ARHGAP18: variants seen among roughly 807,000 people sequenced by gnomAD.
ARHGAP18 encodes the protein rho GTPase-activating protein 18.
Under a neutral mutation model 86.2 loss-of-function variants are expected in ARHGAP18, and 67 were observed. The ratio of observed to expected loss-of-function variants is 0.78; its 90% CI spans 0.64 to 0.95. ARHGAP18 has a LOEUF of 0.95. Among genes scored for constraint, ARHGAP18 ranks in the 40% least tolerant of loss-of-function variants. The probability of loss-of-function intolerance (pLI) is 0.00; values close to 1 mark genes in which losing one functional copy is unlikely to be tolerated. For missense variants in ARHGAP18, 691 were observed against 780.4 expected (o/e 0.89, Z 1.37); for synonymous variants, 283 against 280.4 (o/e 1.01, Z -0.09).
chr6:129,691,679 G>A (rs892600622), intron 1 of ARHGAP18, among the ~76,000 whole-genome samples: 4 of 152,104 alleles, frequency 2.6e-5, no homozygotes, highest in African/African-American at 2.4e-5. Context: ...GCATAATCTC[G>A]GAGGTGTGAA....
In ARHGAP18 at chr6:129,638,636, C is replaced by T. The variant is rs1476796006; in HGVS notation, c.317-7G>A. ...TCTTCTTCCAATTCTCCCTCTAAGACAGTAGAGAAAAGTGGTACTTAAATC... is the reference window on the plus strand; with the variant it reads ...TCTTCTTCCAATTCTCCCTCTAAGATAGTAGAGAAAAGTGGTACTTAAATC... On this transcript the variant is annotated splice_region_variant and splice_polypyrimidine_tract_variant and intron_variant, in intron 2 of 14. Coordinates refer to ENST00000368149, the MANE Select transcript of ARHGAP18 (RefSeq NM_033515.3). 1 of 1,608,216 alleles carries T rather than the reference C, an allele frequency of 6.2e-7. No homozygotes were observed. The highest frequency in any genetic ancestry group is 1.7e-5 in the Admixed American group (1 of 58,612).
intron 1 of ARHGAP18, among the ~76,000 whole-genome samples, chr6:129,686,157 C>T (rs1244135054): frequency 6.6e-6 from 1 of 152,204 alleles, no homozygotes; most frequent in East Asian, 1.9e-4. Context: ...TTCCTCGGAT[C>T]CCCTCTCTGG....
At chr6:129,606,912 G>C (rs1427684615) in intron 9 of ARHGAP18, among the ~76,000 whole-genome samples, 1 of 151,560 alleles carries the variant, frequency 6.6e-6, no homozygotes, top group African/African-American at 2.4e-5. Context: ...CCAGGCTGGA[G>C]TACAGTGGTG....
intron 9 of ARHGAP18, among the ~76,000 whole-genome samples, chr6:129,606,629 G>A (rs564928586): frequency 1.2e-3 from 181 of 151,920 alleles, no homozygotes; most frequent in Non-Finnish European, 2.4e-3. Context: ...TGTATGCAAC[G>A]TAGCACAATT....
chr6:129,597,899 T>C (rs1408600211), intron 12 of ARHGAP18, among the ~76,000 whole-genome samples: 1 of 152,200 alleles, frequency 6.6e-6, no homozygotes, highest in African/African-American at 2.4e-5. Context: ...TAATGCTTTT[T>C]TTTCCATAAA....
At chr6:129,636,777 T>G (rs1773340599) in intron 3 of ARHGAP18, among the ~76,000 whole-genome samples, 1 of 152,172 alleles carries the variant, frequency 6.6e-6, no homozygotes, top group Non-Finnish European at 1.5e-5. Flanking sequence ...ACTCCGAGGC[T>G]GAGGCAGGAG....
At position 129,584,117 on chromosome 6, in the gene ARHGAP18, A is replaced by G; in HGVS notation, c.1714-5T>C. 6.2e-7 allele frequency: 1 copy of G among 1,613,498 alleles called. No individual in the cohort carries two copies. The highest frequency in any genetic ancestry group is 8.5e-7 in the Non-Finnish European group (1 of 1,179,622). On this transcript the variant is annotated splice_region_variant and splice_polypyrimidine_tract_variant and intron_variant, in intron 12 of 14. Coordinates refer to ENST00000368149, the MANE Select transcript of ARHGAP18 (RefSeq NM_033515.3). ...CACTCCCTGAGGAACGTCAGCCTGCAAAGCAATAATGACACTGGAACAAAG... is the reference window on the plus strand; with the variant it reads ...CACTCCCTGAGGAACGTCAGCCTGCGAAGCAATAATGACACTGGAACAAAG...
At position 129,578,921 on chromosome 6, in the gene ARHGAP18, G is replaced by A. The variant is rs868470939; in HGVS notation, c.1901-317C>T. Among the ~76,000 whole-genome samples the A allele has an allele frequency of 2.6e-5, 4 of 151,858 alleles. No homozygotes were observed. In the East Asian group the frequency reaches 7.7e-4, roughly 29 times the overall value. On this transcript the variant is annotated intron_variant, in intron 14 of 14. Coordinates refer to ENST00000368149, the MANE Select transcript of ARHGAP18 (RefSeq NM_033515.3). Reference sequence around the variant, plus strand: ...GGAGGTTGCAGTGAGCTGAGATTGCGCCACTGCACTTCAGCCTGGGTGACA... The same window carrying A: ...GGAGGTTGCAGTGAGCTGAGATTGCACCACTGCACTTCAGCCTGGGTGACA...
At chr6:129,674,223 A>G (rs964809989) in intron 1 of ARHGAP18, among the ~76,000 whole-genome samples, 6 of 152,234 alleles carry the variant, frequency 3.9e-5, no homozygotes, top group African/African-American at 1.4e-4. Flanking sequence ...GATTTGTAAT[A>G]CATGTCCACA....
At chr6:129,648,114 C>G (rs1773616694) in intron 1 of ARHGAP18, among the ~76,000 whole-genome samples, 1 of 151,900 alleles carries the variant, frequency 6.6e-6, no homozygotes, top group Admixed American at 6.6e-5. Context: ...AAAATCAAAC[C>G]ATATTTTTTT....
chr6:129,580,267 A>G (rs1788261407), intron 13 of ARHGAP18, 136 bp from the exon 14 acceptor site: 2 of 687,602 alleles, frequency 2.9e-6, no homozygotes, highest in Non-Finnish European at 5.0e-6. Flanking sequence ...ACACGTTTGT[A>G]TTTTCCCATC....
In ARHGAP18 at chr6:129,697,243, G is replaced by A. The variant is rs368517226; in HGVS notation, c.113+12781C>T. Among the ~76,000 whole-genome samples the A allele has an allele frequency of 1.6e-4, 24 of 152,268 alleles. No homozygotes were observed. The East Asian group carries it at 3.1e-3, about 20-fold the overall frequency. On this transcript the variant is annotated intron_variant, in intron 1 of 14. Transcript: ENST00000368149. ...AGGTGTACATGAAGAAGGCTCTGAC[G>A]ACCCCATCTTGCATGATAAAGCCCA...
intron 1 of ARHGAP18, among the ~76,000 whole-genome samples, chr6:129,669,188 T>A (rs1774099074): frequency 6.6e-6 from 1 of 151,548 alleles, no homozygotes; most frequent in Non-Finnish European, 1.5e-5. Flanking sequence ...TTTTTTTTTC[T>A]TGAGACGGAG....
At chr6:129,620,852 T>C in intron 5 of ARHGAP18, among the ~76,000 whole-genome samples, 1 of 152,222 alleles carries the variant, frequency 6.6e-6, no homozygotes, top group East Asian at 1.9e-4. Context: ...TAATGAGGCA[T>C]TATTTTGCCT....
chr6:129,677,405 A>T (rs868082043), intron 1 of ARHGAP18, among the ~76,000 whole-genome samples: 2 of 152,220 alleles, frequency 1.3e-5, no homozygotes, highest in Middle Eastern at 3.4e-3. Context: ...AAAAAAAAAA[A>T]AATTGCTTTT....
In ARHGAP18 at chr6:129,578,338, A is replaced by G. The variant is rs1366516691; in HGVS notation, c.*175T>C. The G allele has an allele frequency of 3.4e-6, 1 of 295,552 alleles. No individual in the cohort carries two copies. The highest frequency in any genetic ancestry group is 2.2e-5 in the African/African-American group (1 of 45,748). The allele number at this position is 295,552 out of a possible 1,614,324, so 18.3% of individuals were successfully genotyped here. On this transcript the variant is annotated 3_prime_UTR_variant, in exon 15 of 15. Coordinates refer to ENST00000368149, the MANE Select transcript of ARHGAP18 (RefSeq NM_033515.3). Reference sequence around the variant, plus strand: ...TCTAATAATAACATTAATAATAATTAATATAATTCTGGCAGCAGCACAAAT... The same window carrying G: ...TCTAATAATAACATTAATAATAATTGATATAATTCTGGCAGCAGCACAAAT...
rs374571103 is a variant in ARHGAP18, at chr6:129,624,788, T to C, written c.786+4565A>G. ...GGTGAAACCCCATCTCTACCAAAAA[T>C]ACAAAAATCAGCCGGGCGTGGTGGT... On this transcript the variant is annotated intron_variant, in intron 5 of 14. Coordinates refer to ENST00000368149, the MANE Select transcript of ARHGAP18 (RefSeq NM_033515.3). Among the ~76,000 whole-genome samples, 5 of 149,452 alleles carry C rather than the reference T, an allele frequency of 3.3e-5. No homozygotes were observed. In the East Asian group the frequency reaches 8.0e-4, roughly 24 times the overall value.
At chr6:129,610,959 C>T (rs892095688) in intron 8 of ARHGAP18, among the ~76,000 whole-genome samples, 9 of 152,022 alleles carry the variant, frequency 5.9e-5, no homozygotes, top group Non-Finnish European at 1.2e-4. Flanking sequence ...TGCAGTGGGA[C>T]AATGACAGCT....
intron 2 of ARHGAP18, among the ~76,000 whole-genome samples, chr6:129,639,427 T>C (rs1273763915): frequency 6.6e-6 from 1 of 152,194 alleles, no homozygotes; most frequent in African/African-American, 2.4e-5. Context: ...CTGTACCCCA[T>C]TTCTGCAACT....
Sources: gnomAD v4.1 joint callset for allele counts (sites outside exome capture counted in the v4.1 genomes callset) on GRCh38, gnomAD v4.1.1 for gene constraint, MANE v1.5 for transcripts, NCBI Gene and HGNC (gene_info 2026-07-23, HGNC 2026-07-21) for gene names.